Variants in TWF2 observed in about 807,000 individuals in gnomAD.
TWF2 encodes the protein twinfilin actin binding protein 2.
Under a neutral mutation model 45.1 loss-of-function variants are expected in TWF2, and 15 were observed. That is an observed-to-expected ratio of 0.33 (90% confidence interval 0.22 to 0.51). TWF2 has a LOEUF of 0.51. Among genes scored for constraint, TWF2 ranks in the 20% least tolerant of loss-of-function variants. The pLI is 0.97. For missense variants in TWF2, 423 were observed against 469.1 expected, an observed-to-expected ratio of 0.90 and a Z score of 0.91; for synonymous variants, 177 against 195.8, an observed-to-expected ratio of 0.90 and a Z score of 0.80.
chr3:52,234,999 C>A, intron 2 of TWF2, 30 bp downstream of exon 2: 1 of 1,611,456 alleles, frequency 6.2e-7, no homozygotes, highest in Non-Finnish European at 8.5e-7. Context: ...CACCCCCAAG[C>A]CTATACCCTG....
Position 52,238,931 on chromosome 3 carries a change from G to GT in TWF2, c.25+60_25+61insA, listed in dbSNP as rs998828114. 7.9e-5 allele frequency: 124 copies of GT among 1,562,856 alleles called. 1 individual carries two copies. The East Asian group carries it at 1.1e-3, about 14-fold the overall frequency. Reference sequence around the variant, plus strand: ...GGGTGGAGGGAGGGGCCGAGAGCCGGGGGGGGGCGCTTCCGAGAGCCCAGA... The same window carrying GT: ...GGGTGGAGGGAGGGGCCGAGAGCCGGTGGGGGGGCGCTTCCGAGAGCCCAGA... On this transcript the variant is annotated intron_variant, in intron 1 of 8. Coordinates refer to ENST00000305533, the MANE Select transcript of TWF2 (RefSeq NM_007284.4).
At chr3:52,231,846 G>A in intron 3 of TWF2, 98 bp downstream of exon 3, 2 of 1,512,016 alleles carry the variant, frequency 1.3e-6, no homozygotes, top group South Asian at 1.3e-5. Flanking sequence ...ACCCTCCAGG[G>A]GCAGGCCTGT....
At position 52,235,123 on chromosome 3, in the gene TWF2, CATG is replaced by C. The variant is rs1409709665; in HGVS notation, c.26-20_26-18del. Reference sequence around the variant, plus strand: ...CTTCCGTGGCTATAAGAACAAGAAACATGGTGGGGGATGAGTGGGCAGAGTGGA... The same window carrying C: ...CTTCCGTGGCTATAAGAACAAGAAACGTGGGGGATGAGTGGGCAGAGTGGA... On this transcript the variant is annotated intron_variant, in intron 1 of 8. Coordinates refer to ENST00000305533, the MANE Select transcript of TWF2 (RefSeq NM_007284.4). 1 of 1,613,492 alleles carries C rather than the reference CATG, an allele frequency of 6.2e-7. No individual in the cohort carries two copies. Among genetic ancestry groups the C allele is most frequent in the Non-Finnish European group, 8.5e-7 (1 of 1,179,842 alleles).
Position 52,231,209 on chromosome 3 carries a change from T to C in TWF2, c.401A>G (p.Tyr134Cys). 1 of 1,613,956 alleles carries C rather than the reference T, an allele frequency of 6.2e-7. No individual in the cohort carries two copies. Among genetic ancestry groups the C allele is most frequent in the Non-Finnish European group, 8.5e-7 (1 of 1,179,932 alleles). Residue 134 changes from tyrosine (Y) to cysteine (C), a missense_variant, in exon 5 of 9, where the codon TAC becomes TGC. Tyr to Cys is a radical substitution (Grantham distance 194). Coordinates refer to ENST00000305533, the MANE Select transcript of TWF2 (RefSeq NM_007284.4). ...TVKDDLSFAG[Y>C]QKHLSSCAAP... Reference sequence around the variant, plus strand: ...CGCACAGGACGACAGGTGTTTCTGGTACCCAGCAAAAGAGAGGTCATCCTG... The same window carrying C: ...CGCACAGGACGACAGGTGTTTCTGGCACCCAGCAAAAGAGAGGTCATCCTG...
chr3:52,229,630 G>A (rs779114921), intron 8 of TWF2, 31 bp downstream of exon 8: 2 of 1,611,220 alleles, frequency 1.2e-6, no homozygotes, highest in Non-Finnish European at 8.5e-7. Context: ...GATAGGGCCT[G>A]GGGAGGTGAG....
Position 52,235,097 on chromosome 3 carries a change from T to A in TWF2, c.35A>T (p.Glu12Val). ...TGCCTTGGCAAAGAATTCCTTCAGC[T>A]CTTCCGTGGCTATAAGAACAAGAAA... ...AHQTGIHATE[E>V]LKEFFAKARA... Residue 12 changes from glutamate (E) to valine (V), a missense_variant, in exon 2 of 9, where the codon GAG becomes GTG. Transcript: ENST00000305533. The A allele has an allele frequency of 3.1e-6, 5 of 1,613,944 alleles. No homozygotes were observed. Among genetic ancestry groups the A allele is most frequent in the Non-Finnish European group, 3.4e-6 (4 of 1,180,016 alleles).
rs1252969506 is a variant in TWF2, at chr3:52,239,077, C to T, written c.-61G>A. Reference sequence around the variant, plus strand: ...CCTCCGCTTGACCCTGGCCCGGCAACGCTCGCTGGACCAAGAGAGGTGGAG... The same window carrying T: ...CCTCCGCTTGACCCTGGCCCGGCAATGCTCGCTGGACCAAGAGAGGTGGAG... On this transcript the variant is annotated 5_prime_UTR_variant, in exon 1 of 9. Coordinates refer to ENST00000305533, the MANE Select transcript of TWF2 (RefSeq NM_007284.4). The T allele has an allele frequency of 6.4e-7, 1 of 1,574,080 alleles. No homozygotes were observed. The highest frequency in any genetic ancestry group is 2.3e-5 in the East Asian group (1 of 43,330).
chr3:52,229,575 C>G, intron 8 of TWF2, 86 bp downstream of exon 8: 1 of 1,558,394 alleles, frequency 6.4e-7, no homozygotes, highest in Non-Finnish European at 8.7e-7. Context: ...GATTCCTGCT[C>G]TGCCGTCATC....
intron 2 of TWF2, among the ~76,000 whole-genome samples, chr3:52,234,779 G>A (rs1699709861): frequency 6.6e-6 from 1 of 152,240 alleles, no homozygotes; most frequent in Non-Finnish European, 1.5e-5. Context: ...GGAGGTGGCA[G>A]GACCCCAGGA....
In TWF2 at chr3:52,229,901, C is replaced by T. The variant is rs1336924917; in HGVS notation, c.760+19G>A. On this transcript the variant is annotated intron_variant, in intron 7 of 8. Transcript: ENST00000305533. Reference sequence around the variant, plus strand: ...TCCCACCCAGCCACAGGCTTGGGAGCCCTGCCATGGCCACTCACCTACAGA... The same window carrying T: ...TCCCACCCAGCCACAGGCTTGGGAGTCCTGCCATGGCCACTCACCTACAGA... 2 of 1,600,002 alleles carry T rather than the reference C, an allele frequency of 1.3e-6. No individual in the cohort carries two copies. The highest frequency in any genetic ancestry group is 1.7e-6 in the Non-Finnish European group (2 of 1,170,568).
intron 1 of TWF2, among the ~76,000 whole-genome samples, chr3:52,235,345 G>C (rs1699715215): frequency 6.6e-6 from 1 of 152,174 alleles, no homozygotes; most frequent in Non-Finnish European, 1.5e-5. Flanking sequence ...GGGGTGGGCA[G>C]GGATGGGACA....
At chr3:52,236,345 G>T (rs951068613) in intron 1 of TWF2, among the ~76,000 whole-genome samples, 1 of 152,026 alleles carries the variant, frequency 6.6e-6, no homozygotes, top group Non-Finnish European at 1.5e-5. Context: ...TCATTGGGCT[G>T]TAGAGCTGGA....
chr3:52,237,029 T>C (rs1309466040), intron 1 of TWF2, among the ~76,000 whole-genome samples: 1 of 152,192 alleles, frequency 6.6e-6, no homozygotes, highest in Non-Finnish European at 1.5e-5. Context: ...GTGGCCTCTA[T>C]TAATAACAAT....
In TWF2 at chr3:52,231,312, T is replaced by G. The variant is rs2107301804; in HGVS notation, c.379-81A>C. ...AGGAGGCCCACGGAGCACGCCAGCTTGCAGCCCTTGGACTCCCCCAGCGCC... is the reference window on the plus strand; with the variant it reads ...AGGAGGCCCACGGAGCACGCCAGCTGGCAGCCCTTGGACTCCCCCAGCGCC... On this transcript the variant is annotated intron_variant, in intron 4 of 8. Coordinates refer to ENST00000305533, the MANE Select transcript of TWF2 (RefSeq NM_007284.4). 3 of 1,582,588 alleles carry G rather than the reference T, an allele frequency of 1.9e-6. No homozygotes were observed. In the East Asian group the frequency reaches 6.7e-5, roughly 36 times the overall value.
rs2107307225 is a variant in TWF2 at position 52,239,041 on chromosome 3, G to A, written c.-25C>T. Reference sequence around the variant, plus strand: ...TGGCTCGGCGCTTCGCTCCGTCCGCGCCGTCGGAGCCCTCCGCTTGACCCT... The same window carrying A: ...TGGCTCGGCGCTTCGCTCCGTCCGCACCGTCGGAGCCCTCCGCTTGACCCT... On this transcript the variant is annotated 5_prime_UTR_variant, in exon 1 of 9. Coordinates refer to ENST00000305533, the MANE Select transcript of TWF2 (RefSeq NM_007284.4). 6.3e-7 allele frequency: 1 copy of A among 1,593,208 alleles called. No individual in the cohort carries two copies. Among genetic ancestry groups the A allele is most frequent in the Non-Finnish European group, 8.5e-7 (1 of 1,177,172 alleles).
chr3:52,229,259 CT>C lies in TWF2; in HGVS notation c.883-59del, dbSNP rs1461612428. The C allele has an allele frequency of 9.5e-6, 15 of 1,585,820 alleles. No individual in the cohort carries two copies. In the African/African-American group the frequency reaches 1.3e-4, roughly 14 times the overall value. Reference sequence around the variant, plus strand: ...GGAGGGGCTCTGACACACACCACCCCTGGTAGCCCCCACTCCTGGGGCACCC... The same window carrying C: ...GGAGGGGCTCTGACACACACCACCCCGGTAGCCCCCACTCCTGGGGCACCC... On this transcript the variant is annotated intron_variant, in intron 8 of 8. Transcript: ENST00000305533.
intron 2 of TWF2, among the ~76,000 whole-genome samples, chr3:52,233,087 C>A (rs1348175452): frequency 6.6e-6 from 1 of 152,254 alleles, no homozygotes. Context: ...CTGCTAGCTC[C>A]TTGGCTGAAA....
chr3:52,234,919 TGGGAAATTGA>T, intron 2 of TWF2, 100 bp downstream of exon 2: 1 of 1,228,790 alleles, frequency 8.1e-7, no homozygotes, highest in Non-Finnish European at 1.2e-6. Context: ...ATTTCCAGAG[TGGGAAATTGA>T]GGTCCCGGCA....
chr3:52,233,685 T>C (rs1451472392), intron 2 of TWF2, among the ~76,000 whole-genome samples: 1 of 152,076 alleles, frequency 6.6e-6, no homozygotes, highest in Non-Finnish European at 1.5e-5. Flanking sequence ...TCCCAGCACT[T>C]TGGGAGGCCG....
Sources: allele counts gnomAD v4.1 joint callset (sites outside exome capture counted in the v4.1 genomes callset), GRCh38; gene constraint gnomAD v4.1.1; transcripts MANE v1.5; gene names NCBI Gene and HGNC (gene_info 2026-07-23, HGNC 2026-07-21).